Variants in UCK2 observed in about 807,000 individuals in gnomAD.
The protein encoded by UCK2 is uridine-cytidine kinase 2, also known as cytidine monophosphokinase 2.
A neutral mutation model predicts 30.8 loss-of-function variants in UCK2; 6 were observed. The observed-to-expected ratio is 0.19, with a 90% confidence interval of 0.11 to 0.38. The LOEUF is 0.38. UCK2 is among the 10% of genes least tolerant of loss of function. The pLI, the probability that UCK2 is intolerant of heterozygous loss-of-function variation, is 1.00. For synonymous variants in UCK2, 125 were observed against 133.6 expected (o/e 0.94, Z 0.45); for missense variants, 210 against 339.8 (o/e 0.62, Z 3.00).
At chr1:165,881,851 A>C (rs1655508378) in intron 1 of UCK2, among the ~76,000 whole-genome samples, 1 of 152,208 alleles carries the variant, frequency 6.6e-6, no homozygotes, top group South Asian at 2.1e-4. Flanking sequence ...ATAGAGCTTA[A>C]TGAGATTGGC....
At chr1:165,880,897 C>T (rs1270364338) in intron 1 of UCK2, among the ~76,000 whole-genome samples, 4 of 151,790 alleles carry the variant, frequency 2.6e-5, no homozygotes, top group African/African-American at 4.8e-5. Context: ...GCAGGCTGGG[C>T]GTGGTGGCTC....
chr1:165,828,015 A>G (rs1372934293), intron 1 of UCK2, 83 bp downstream of exon 1: 1 of 1,087,880 alleles, frequency 9.2e-7, no homozygotes, highest in South Asian at 4.5e-5. Context: ...GGGCCGTGTC[A>G]GTTGCGGCAG....
intron 1 of UCK2, among the ~76,000 whole-genome samples, chr1:165,846,248 G>A (rs1027473722): frequency 1.3e-5 from 2 of 152,196 alleles, no homozygotes; most frequent in Non-Finnish European, 2.9e-5. Flanking sequence ...GTTACAGTGA[G>A]CTATGATTGT....
rs540180317 is a variant in UCK2 at position 165,831,611 on chromosome 1, C to T, written c.99+3679C>T. Among the ~76,000 whole-genome samples the T allele has an allele frequency of 1.4e-4, 22 of 152,308 alleles. No individual in the cohort carries two copies. The South Asian group carries it at 4.4e-3, about 30-fold the overall frequency. On this transcript the variant is annotated intron_variant, in intron 1 of 6. Coordinates refer to ENST00000367879, the MANE Select transcript of UCK2 (RefSeq NM_012474.5). Reference sequence around the variant, plus strand: ...AGAAAAATCTGCTCCATTACACTGCCATCAGAGTGGTCTTCCTTAGGAATA... The same window carrying T: ...AGAAAAATCTGCTCCATTACACTGCTATCAGAGTGGTCTTCCTTAGGAATA...
intron 1 of UCK2, among the ~76,000 whole-genome samples, chr1:165,847,288 T>C (rs1654474508): frequency 6.6e-6 from 1 of 152,208 alleles, no homozygotes; most frequent in South Asian, 2.1e-4. Flanking sequence ...TTGTAAAGAT[T>C]ACATAAAACA....
rs1183475507 is a variant in UCK2, at chr1:165,861,649, ACAAAAAAAAAC to A, written c.100-28554_100-28544del. Among the ~76,000 whole-genome samples the A allele has an allele frequency of 2.4e-4, 25 of 104,494 alleles. 4 individuals carry two copies. The highest frequency in any genetic ancestry group is 5.3e-4 in the Admixed American group (4 of 7,574). 68.6% of individuals were successfully genotyped at this position (104,494 alleles called of 152,430 possible). Reference sequence around the variant, plus strand: ...TCTCAAAAAAAAAAAAAAAAAAAAAACAAAAAAAAACAACAGTAAAACTCAATAGCTCTGGT... The same window carrying A: ...TCTCAAAAAAAAAAAAAAAAAAAAAAAACAGTAAAACTCAATAGCTCTGGT... On this transcript the variant is annotated intron_variant, in intron 1 of 6. Transcript: ENST00000367879.
intron 4 of UCK2, 90 bp downstream of exon 4, chr1:165,896,422 G>A (rs201897347): frequency 6.0e-6 from 9 of 1,493,002 alleles, no homozygotes; most frequent in Non-Finnish European, 8.3e-6. Context: ...ACCCGCCTGA[G>A]TCTGAAGCCC....
rs142114651 is a variant in UCK2, at chr1:165,839,104, A to T, written c.99+11172A>T. Among the ~76,000 whole-genome samples, 114 of 152,254 alleles carry T rather than the reference A, an allele frequency of 7.5e-4. 1 individual carries two copies. Among genetic ancestry groups the T allele is most frequent in the African/African-American group, 2.5e-3 (104 of 41,548 alleles). ...ACTTTAACTTAAACTTTTAACTTTAAATTCGTATTGTCAAGCTCTTAAAGA... is the reference window on the plus strand; with the variant it reads ...ACTTTAACTTAAACTTTTAACTTTATATTCGTATTGTCAAGCTCTTAAAGA... On this transcript the variant is annotated intron_variant, in intron 1 of 6. Transcript: ENST00000367879.
chr1:165,852,728 T>TAAGA (rs1654628757), intron 1 of UCK2, among the ~76,000 whole-genome samples: 1 of 152,234 alleles, frequency 6.6e-6, no homozygotes, highest in African/African-American at 2.4e-5. Flanking sequence ...TCATCTATCC[T>TAAGA]TCCTTATATA....
At chr1:165,885,199 A>G (rs1180917846) in intron 1 of UCK2, 1 of 390,342 alleles carries the variant, frequency 2.6e-6, no homozygotes, top group East Asian at 3.6e-5. Context: ...TTATGTTCTA[A>G]AATAGTGAAA....
chr1:165,875,762 A>G (rs1655317451), intron 1 of UCK2, among the ~76,000 whole-genome samples: 1 of 152,220 alleles, frequency 6.6e-6, no homozygotes, highest in Admixed American at 6.5e-5. Context: ...AGGGCAAGGC[A>G]TGGGGAAAGA....
chr1:165,899,083 T>G (rs557895826), intron 4 of UCK2, among the ~76,000 whole-genome samples: 69 of 152,170 alleles, frequency 4.5e-4, no homozygotes, highest in Non-Finnish European at 8.7e-4. Context: ...GCTTGAACAT[T>G]CCTGGAGACT....
rs565000341 is a variant in UCK2, at chr1:165,896,309, C to T, written c.476C>T (p.Ala159Val). 5.0e-6 allele frequency: 8 copies of T among 1,614,138 alleles called. No homozygotes were observed. Among genetic ancestry groups the T allele is most frequent in the South Asian group, 2.2e-5 (2 of 91,082 alleles). ...ATGAAGCTTTTTGTGGATACAGATG[C>T]GGACACCCGGCTCTCACGCAGAGGT... The part of the protein sequence containing the change: ...FQMKLFVDTD[A>V]DTRLSRRVLR... The change falls in exon 4 of 7, where the codon GCG (alanine) becomes GTG (valine). Residue 159 changes from alanine (A) to valine (V), a missense_variant. Around this residue, in one of 4 missense-constraint regions of UCK2, gnomAD observed 47 missense variants for 128.7 expected, o/e 0.37. Coordinates refer to ENST00000367879, the MANE Select transcript of UCK2 (RefSeq NM_012474.5).
intron 1 of UCK2, among the ~76,000 whole-genome samples, chr1:165,860,269 T>A (rs866364072): frequency 8.5e-5 from 13 of 152,280 alleles, no homozygotes; most frequent in Middle Eastern, 3.4e-3. Context: ...CTCCACAGCC[T>A]TGTCTTGAAG....
intron 1 of UCK2, among the ~76,000 whole-genome samples, chr1:165,851,089 G>A (rs1250402738): frequency 1.3e-5 from 2 of 152,050 alleles, no homozygotes; most frequent in African/African-American, 4.8e-5. Flanking sequence ...GTCCCCTCCA[G>A]GTCACACAGG....
chr1:165,907,621 T>A, intron 6 of UCK2, 63 bp from the exon 7 acceptor site: 1 of 1,569,014 alleles, frequency 6.4e-7, no homozygotes, highest in Non-Finnish European at 8.7e-7. Flanking sequence ...CCAGACAGAC[T>A]CCCACACTCA....
chr1:165,851,689 T>A (rs565593521), intron 1 of UCK2, among the ~76,000 whole-genome samples: 8 of 152,124 alleles, frequency 5.3e-5, no homozygotes, highest in African/African-American at 1.9e-4. Context: ...TATATAGATA[T>A]ACGTGTGCCA....
At chr1:165,872,241 A>AT (rs1655214440) in intron 1 of UCK2, among the ~76,000 whole-genome samples, 1 of 152,020 alleles carries the variant, frequency 6.6e-6, no homozygotes, top group Non-Finnish European at 1.5e-5. Context: ...TGCCCAGCTA[A>AT]TTTTTGTATT....
intron 1 of UCK2, among the ~76,000 whole-genome samples, chr1:165,867,410 T>A (rs1385914214): frequency 1.3e-5 from 2 of 152,216 alleles, no homozygotes; most frequent in Non-Finnish European, 2.9e-5. Context: ...TAGTCAAACT[T>A]CTTTCAAAGT....
Sources: gnomAD v4.1 joint callset for allele counts (sites outside exome capture counted in the v4.1 genomes callset) on GRCh38, gnomAD v4.1.1 for gene constraint, gnomAD v4.1.1 regional missense constraint, MANE v1.5 for transcripts, NCBI Gene and HGNC (gene_info 2026-07-23, HGNC 2026-07-21) for gene names.